RILPL2: variants seen among roughly 807,000 people sequenced by gnomAD.
RILPL2 encodes the protein RILP-like protein 2.
A neutral mutation model predicts 22.2 loss-of-function variants in RILPL2; 19 were observed. That is an observed-to-expected ratio of 0.86 (90% CI 0.60 to 1.25). RILPL2 has a LOEUF of 1.25. Ranked by LOEUF, RILPL2 falls within the 50% of genes most tolerant of loss-of-function variation. The probability of loss-of-function intolerance (pLI) is 0.00; values close to 1 mark genes in which losing one functional copy is unlikely to be tolerated. For missense variants in RILPL2, 243 were observed against 263.6 expected (o/e 0.92, Z 0.54); for synonymous variants, 123 against 111.6 (o/e 1.10, Z -0.64).
intron 3 of RILPL2, among the ~76,000 whole-genome samples, chr12:123,418,901 C>A (rs1879194537): frequency 6.6e-6 from 1 of 151,450 alleles, no homozygotes; most frequent in African/African-American, 2.4e-5. Context: ...GCTGGGACTA[C>A]AGGCTTGGGG....
chr12:123,422,633 T>C (rs1048623980), intron 3 of RILPL2, among the ~76,000 whole-genome samples: 1 of 152,090 alleles, frequency 6.6e-6, no homozygotes, highest in Non-Finnish European at 1.5e-5. Flanking sequence ...GTAATCACTG[T>C]TGAGATTACA....
rs752710283 is a variant in RILPL2, at chr12:123,436,295, A to T, written c.126T>A (p.Tyr42Ter). Residue 42 changes from tyrosine to a stop codon, truncating the protein, a stop_gained, in exon 1 of 4, where the codon TAT (tyrosine) becomes TAA (stop). Coordinates refer to ENST00000280571, the MANE Select transcript of RILPL2 (RefSeq NM_145058.3). LOFTEE classifies it high-confidence loss of function. The surrounding 1 kb of genome is among the most constrained non-coding windows in gnomAD (Gnocchi z 6.7). Reference sequence around the variant, plus strand: ...CGCGGCCCAACAGGTAGGAGATGTCATACACGTCCTCGGCGGTCAGCTGGA... The same window carrying T: ...CGCGGCCCAACAGGTAGGAGATGTCTTACACGTCCTCGGCGGTCAGCTGGA... Reference protein sequence around the residue: ...SPFQLTAEDVYDISYLLGREL... With the variant: ...SPFQLTAEDV 1.2e-6 allele frequency: 2 copies of T among 1,601,326 alleles called. No individual in the cohort carries two copies. Among genetic ancestry groups the T allele is most frequent in the Non-Finnish European group, 1.7e-6 (2 of 1,174,524 alleles).
chr12:123,433,999 T>C (rs1879719505), intron 1 of RILPL2, among the ~76,000 whole-genome samples: 1 of 152,212 alleles, frequency 6.6e-6, no homozygotes, highest in African/African-American at 2.4e-5. Context: ...CTCAGTTTTG[T>C]AAAACAATAA....
At position 123,419,520 on chromosome 12, in the gene RILPL2, C is replaced by T. The variant is rs868691382; in HGVS notation, c.605+3524G>A. On this transcript the variant is annotated intron_variant, in intron 3 of 3. Coordinates refer to ENST00000280571, the MANE Select transcript of RILPL2 (RefSeq NM_145058.3). ...GGTCCCACGTGGGACAGGGAGAGGT[C>T]CTTGGGCATTTCCCACAGCCAGGCT... is the stretch of plus-strand genomic sequence containing the variant. Among the ~76,000 whole-genome samples the T allele has an allele frequency of 4.7e-4, 72 of 152,194 alleles. No individual in the cohort carries two copies. In the Middle Eastern group the frequency reaches 0.017, roughly 36 times the overall value.
downstream of RILPL2, chr12:123,412,290 C>T (rs1208274157): frequency 1.3e-5 from 2 of 152,290 alleles, no homozygotes; most frequent in African/African-American, 2.4e-5. Context: ...TACAGGTGCT[C>T]ACCACCATGC....
chr12:123,425,201 A>C (rs1330620333), intron 2 of RILPL2, among the ~76,000 whole-genome samples: 3 of 149,250 alleles, frequency 2.0e-5, no homozygotes, highest in Non-Finnish European at 4.4e-5. Flanking sequence ...TTTGAGATGG[A>C]GTTTCACTAT....
intron 3 of RILPL2, among the ~76,000 whole-genome samples, chr12:123,419,525 G>A (rs542961111): frequency 6.6e-6 from 1 of 152,140 alleles, no homozygotes; most frequent in East Asian, 1.9e-4. Context: ...GAGGTCCTTG[G>A]GCATTTCCCA....
intron 2 of RILPL2, among the ~76,000 whole-genome samples, chr12:123,429,532 T>G (rs1327087704): frequency 6.6e-6 from 1 of 152,006 alleles, no homozygotes; most frequent in Non-Finnish European, 1.5e-5. Context: ...CCTGACCTCG[T>G]GATCTGCCCG....
At chr12:123,430,374 A>G (rs149114012) in intron 2 of RILPL2, 134 bp downstream of exon 2, 17,630 of 773,798 alleles carry the variant, frequency 0.023, 291 homozygotes, top group Middle Eastern at 0.036. Flanking sequence ...GCGCCACTGC[A>G]CTCCAGCCTG....
At position 123,421,288 on chromosome 12, in the gene RILPL2, C is replaced by G. The variant is rs377702935; in HGVS notation, c.605+1756G>C. Among the ~76,000 whole-genome samples the G allele has an allele frequency of 1.2e-4, 19 of 152,232 alleles. No homozygotes were observed. In the South Asian group the frequency reaches 2.7e-3, roughly 22 times the overall value. On this transcript the variant is annotated intron_variant, in intron 3 of 3. Coordinates refer to ENST00000280571, the MANE Select transcript of RILPL2 (RefSeq NM_145058.3). ...CGAACTCATGACCTCAAATGATCCA[C>G]CCACCTCGGAAGTACTGGGATTACA... is the stretch of plus-strand genomic sequence containing the variant.
intron 3 of RILPL2, among the ~76,000 whole-genome samples, chr12:123,420,434 C>T (rs781652880): frequency 1.8e-4 from 28 of 151,422 alleles, no homozygotes; most frequent in Non-Finnish European, 3.4e-4. Context: ...CCACTGTGCC[C>T]GGCCTATTTT....
intron 3 of RILPL2, among the ~76,000 whole-genome samples, chr12:123,417,497 T>A (rs1393960285): frequency 2.0e-5 from 3 of 152,100 alleles, no homozygotes; most frequent in African/African-American, 2.4e-5. Flanking sequence ...AGAATCCACG[T>A]GGCCCTGGGT....
chr12:123,431,248 G>A (rs1239305138), intron 1 of RILPL2, among the ~76,000 whole-genome samples: 2 of 152,170 alleles, frequency 1.3e-5, no homozygotes, highest in Admixed American at 1.3e-4. Context: ...TCTGACATGT[G>A]CCACAACATG....
In RILPL2 at chr12:123,436,048, G is replaced by T; in HGVS notation, c.339+34C>A. ...AGGTGCCCTCCTACGCCCCGCAGGCGCCGTGGGCCCGGAACCCTCGCTCCC... is the reference window on the plus strand; with the variant it reads ...AGGTGCCCTCCTACGCCCCGCAGGCTCCGTGGGCCCGGAACCCTCGCTCCC... On this transcript the variant is annotated intron_variant, in intron 1 of 3. Coordinates refer to ENST00000280571, the MANE Select transcript of RILPL2 (RefSeq NM_145058.3). This position sits in a 1 kb window ranked among gnomAD's most constrained non-coding sequence, Gnocchi z 6.7. 1 of 1,544,688 alleles carries T rather than the reference G, an allele frequency of 6.5e-7. No individual in the cohort carries two copies. Among genetic ancestry groups the T allele is most frequent in the Non-Finnish European group, 8.8e-7 (1 of 1,141,872 alleles).
At chr12:123,410,541 G>C (rs1234686810), downstream of RILPL2, 2 of 152,162 alleles carry the variant, frequency 1.3e-5, no homozygotes, top group African/African-American at 2.4e-5. Flanking sequence ...CAGTATTATA[G>C]CTTCACCTTG....
chr12:123,421,671 C>CTTTT (rs561071129), intron 3 of RILPL2, among the ~76,000 whole-genome samples: 3 of 135,786 alleles, frequency 2.2e-5, no homozygotes, highest in Non-Finnish European at 3.2e-5. Context: ...TGGGTTATTC[C>CTTTT]TTTTTTTTTT....
In RILPL2 at chr12:123,436,457, C is replaced by T. The variant is rs1879808717; in HGVS notation, c.-37G>A. The T allele has an allele frequency of 6.5e-7, 1 of 1,533,388 alleles. No individual in the cohort carries two copies. The highest frequency in any genetic ancestry group is 8.8e-7 in the Non-Finnish European group (1 of 1,142,776). 95.0% of individuals were successfully genotyped at this position (1,533,388 alleles called of 1,614,324 possible). Reference sequence around the variant, plus strand: ...CCCCCGCCGACCTCGGAGCTGCTGTCTTGGAGTCTCCCAAAGGTTAGACTT... The same window carrying T: ...CCCCCGCCGACCTCGGAGCTGCTGTTTTGGAGTCTCCCAAAGGTTAGACTT... On this transcript the variant is annotated 5_prime_UTR_variant, in exon 1 of 4. Coordinates refer to ENST00000280571, the MANE Select transcript of RILPL2 (RefSeq NM_145058.3). The surrounding 1 kb of genome is among the most constrained non-coding windows in gnomAD (Gnocchi z 6.7).
rs1204829496 is a variant in RILPL2 at position 123,435,040 on chromosome 12, C to T, written c.339+1042G>A. Among the ~76,000 whole-genome samples, 7 of 151,412 alleles carry T rather than the reference C, an allele frequency of 4.6e-5. No homozygotes were observed. In the South Asian group the frequency reaches 8.3e-4, roughly 18 times the overall value. On this transcript the variant is annotated intron_variant, in intron 1 of 3. Coordinates refer to ENST00000280571, the MANE Select transcript of RILPL2 (RefSeq NM_145058.3). ...AAAAGAAAAAAAAAAAATAGCCACG[C>T]GTGGTGGCACACGCTTGCAATCCCA...
intron 3 of RILPL2, among the ~76,000 whole-genome samples, chr12:123,418,526 G>T (rs1426004184): frequency 1.3e-5 from 2 of 152,030 alleles, no homozygotes; most frequent in Non-Finnish European, 2.9e-5. Context: ...AGAGACTTTA[G>T]GTTCTGTTCA....
Sources: gnomAD v4.1 joint callset for allele counts (sites outside exome capture counted in the v4.1 genomes callset) on GRCh38, gnomAD v4.1.1 for gene constraint, Gnocchi (gnomAD v3.1) non-coding constraint, MANE v1.5 for transcripts, NCBI Gene and HGNC (gene_info 2026-07-23, HGNC 2026-07-21) for gene names.